ATP10B: variants seen among roughly 807,000 people sequenced by gnomAD.
ATP10B encodes the protein phospholipid-transporting ATPase VB.
ATP10B carries 122 observed loss-of-function variants against 141.2 expected under a neutral mutation model. The observed-to-expected ratio is 0.86, with a 90% CI of 0.75 to 1.00. ATP10B has a LOEUF of 1.00. Among genes scored for constraint, ATP10B ranks in the 50% least tolerant of loss-of-function variants. The pLI, the probability that ATP10B is intolerant of heterozygous loss-of-function variation, is 0.00. For missense variants in ATP10B, 1,876 were observed against 1,825.3 expected (o/e 1.03, Z -0.51); for synonymous variants, 685 against 692.0 (o/e 0.99, Z 0.16).
chr5:160,858,121 T>C, the ATP10B span, among the ~76,000 whole-genome samples: 1 of 151,914 alleles, frequency 6.6e-6, no homozygotes, highest in South Asian at 2.1e-4. Context: ...TTCAGTCATA[T>C]TGGTTTTTGT....
chr5:160,906,451 T>G, the ATP10B span, among the ~76,000 whole-genome samples: 1 of 152,180 alleles, frequency 6.6e-6, no homozygotes, highest in African/African-American at 2.4e-5. Flanking sequence ...CTAAACACTT[T>G]GGAAGGAGGA....
chr5:160,856,823 T>C (rs1754011554), upstream of ATP10B, among the ~76,000 whole-genome samples: 1 of 151,878 alleles, frequency 6.6e-6, no homozygotes, highest in Non-Finnish European at 1.5e-5. Flanking sequence ...TTAATTGATA[T>C]GATCATGTAA....
At chr5:160,781,768 A>G (rs903612084) in intron 2 of ATP10B, among the ~76,000 whole-genome samples, 2 of 152,136 alleles carry the variant, frequency 1.3e-5, no homozygotes, top group Non-Finnish European at 2.9e-5. Context: ...ATTGCACAGC[A>G]ACCTATCTTG....
intron 8 of ATP10B, among the ~76,000 whole-genome samples, chr5:160,647,070 T>C (rs1375979907): frequency 6.6e-6 from 1 of 152,202 alleles, no homozygotes; most frequent in East Asian, 1.9e-4. Context: ...TGGTGGTGAT[T>C]GTCCCTGGTT....
At chr5:160,861,134 G>A in the ATP10B span, among the ~76,000 whole-genome samples, 1 of 151,868 alleles carries the variant, frequency 6.6e-6, no homozygotes, top group East Asian at 1.9e-4. Context: ...AGTGCATTTT[G>A]TACCATCTTT....
intron 7 of ATP10B, among the ~76,000 whole-genome samples, chr5:160,655,096 C>T (rs1761389225): frequency 6.6e-6 from 1 of 152,108 alleles, no homozygotes; most frequent in African/African-American, 2.4e-5. Flanking sequence ...CTCTGAAGGA[C>T]TTAATGAATG....
intron 22 of ATP10B, among the ~76,000 whole-genome samples, chr5:160,598,071 A>G (rs890508408): frequency 1.4e-5 from 2 of 141,896 alleles, no homozygotes; most frequent in Non-Finnish European, 3.1e-5. Flanking sequence ...TCATGCTGCT[A>G]TAAAGACACA....
At chr5:160,859,675 C>T in the ATP10B span, among the ~76,000 whole-genome samples, 3 of 151,902 alleles carry the variant, frequency 2.0e-5, no homozygotes. Flanking sequence ...AATTTATTAA[C>T]ATCTAGAGTT....
chr5:160,874,843 A>G, the ATP10B span, among the ~76,000 whole-genome samples: 1 of 147,544 alleles, frequency 6.8e-6, no homozygotes, highest in Non-Finnish European at 1.5e-5. Context: ...AAAAAAGAAT[A>G]AAAAGAAATG....
At chr5:160,795,871 A>G (rs1771914450) in intron 1 of ATP10B, among the ~76,000 whole-genome samples, 1 of 152,080 alleles carries the variant, frequency 6.6e-6, no homozygotes, top group Admixed American at 6.6e-5. Flanking sequence ...GAGATTTTAG[A>G]CTTCTGGCAA....
intron 22 of ATP10B, among the ~76,000 whole-genome samples, chr5:160,598,394 G>C (rs538374154): frequency 6.6e-6 from 1 of 151,852 alleles, no homozygotes; most frequent in Non-Finnish European, 1.5e-5. Flanking sequence ...TTGTGGGGTG[G>C]GGGGAGCAGG....
chr5:160,737,556 G>T (rs1398550269), intron 2 of ATP10B, among the ~76,000 whole-genome samples: 1 of 151,932 alleles, frequency 6.6e-6, no homozygotes, highest in Non-Finnish European at 1.5e-5. Context: ...TAAAGTTGCA[G>T]GATACAAAAA....
At chr5:160,903,959 T>C in the ATP10B span, among the ~76,000 whole-genome samples, 1 of 152,134 alleles carries the variant, frequency 6.6e-6, no homozygotes, top group East Asian at 1.9e-4. Flanking sequence ...TCAGGATATC[T>C]ATGGGTCATC....
intron 2 of ATP10B, among the ~76,000 whole-genome samples, chr5:160,767,293 T>C (rs1581493247): frequency 6.6e-6 from 1 of 152,142 alleles, no homozygotes; most frequent in East Asian, 1.9e-4. Flanking sequence ...AAGTCACGCT[T>C]TGGGCAACCT....
Position 160,770,840 on chromosome 5 carries a change from G to A in ATP10B, c.-331+14719C>T, listed in dbSNP as rs1014683679. ...TATTAAGTAAACTACTGAATAGATG[G>A]TATGCAATTCTGGCAAAAATAATGA... On this transcript the variant is annotated intron_variant, in intron 2 of 25. Coordinates refer to ENST00000327245, the MANE Select transcript of ATP10B (RefSeq NM_025153.3). 3.3e-5 allele frequency among the ~76,000 whole-genome samples: 5 copies of A among 152,174 alleles called. No homozygotes were observed. The East Asian group carries it at 7.7e-4, about 23-fold the overall frequency.
rs562708066 is a variant in ATP10B, at chr5:160,815,970, C to A, written c.-575-30167G>T. 1.6e-3 allele frequency among the ~76,000 whole-genome samples: 236 copies of A among 151,736 alleles called. 1 individual carries two copies. The highest frequency in any genetic ancestry group is 3.3e-3 in the South Asian group (16 of 4,798). Reference sequence around the variant, plus strand: ...AGATGTTCTTTGAAACCAGTGAGAACAAAGACACAACATACCAGAATCTCT... The same window carrying A: ...AGATGTTCTTTGAAACCAGTGAGAAAAAAGACACAACATACCAGAATCTCT... On this transcript the variant is annotated intron_variant, in intron 1 of 25. Coordinates refer to ENST00000327245, the MANE Select transcript of ATP10B (RefSeq NM_025153.3).
At chr5:160,634,211 C>A in intron 12 of ATP10B, 143 bp downstream of exon 12, 1 of 1,127,540 alleles carries the variant, frequency 8.9e-7, no homozygotes, top group African/African-American at 1.5e-5. Flanking sequence ...ACAAGGAAGA[C>A]CACAGGGATA....
chr5:160,625,787 G>A (rs1403633398), intron 13 of ATP10B, among the ~76,000 whole-genome samples: 1 of 152,206 alleles, frequency 6.6e-6, no homozygotes, highest in African/African-American at 2.4e-5. Context: ...ATGCCTGGTG[G>A]ATTGTTAAGC....
At chr5:160,758,195 A>T (rs1768772156) in intron 2 of ATP10B, among the ~76,000 whole-genome samples, 2 of 152,178 alleles carry the variant, frequency 1.3e-5, no homozygotes, top group South Asian at 4.1e-4. Flanking sequence ...GTGACTATCC[A>T]TCACAGCGGG....
Sources: gnomAD v4.1 joint callset for allele counts (sites outside exome capture counted in the v4.1 genomes callset) on GRCh38, gnomAD v4.1.1 for gene constraint, MANE v1.5 for transcripts, NCBI Gene and HGNC (gene_info 2026-07-23, HGNC 2026-07-21) for gene names.